The following MPZL1 variants were observed in gnomAD, a reference collection of about 807,000 sequenced individuals.
MPZL1 encodes the protein myelin protein zero-like protein 1.
MPZL1 carries 16 observed loss-of-function variants against 29.3 expected under a neutral mutation model. That is an observed-to-expected ratio of 0.55 (90% CI 0.37 to 0.83). MPZL1 has a LOEUF of 0.83. MPZL1 is among the 40% of genes least tolerant of loss of function. The pLI is 0.00. For missense variants in MPZL1, 279 were observed against 332.9 expected, an observed-to-expected ratio of 0.84 and a Z score of 1.26; for synonymous variants, 143 against 132.0, an observed-to-expected ratio of 1.08 and a Z score of -0.57.
In MPZL1 at chr1:167,778,832, C is replaced by CA. The variant is rs112221919; in HGVS notation, c.708+2676dup. Among the ~76,000 whole-genome samples the CA allele has an allele frequency of 1.9e-3, 279 of 144,278 alleles. 3 individuals are homozygous for CA. The highest frequency in any genetic ancestry group is 6.3e-3 in the African/African-American group (248 of 39,140). The allele number at this position is 144,278 out of a possible 152,430, so 94.7% of individuals were successfully genotyped here. ...GGTGTTAACAACAGATTAGATACTGCAAAAAAAAAAGGTCAATCAACTTGA... is the reference window on the plus strand; with the variant it reads ...GGTGTTAACAACAGATTAGATACTGCAAAAAAAAAAAGGTCAATCAACTTGA... On this transcript the variant is annotated intron_variant, in intron 5 of 5. Transcript: ENST00000359523.
In MPZL1 at chr1:167,776,152, TC is replaced by T; in HGVS notation, c.695del (p.Ser232LeufsTer13). The T allele has an allele frequency of 6.2e-7, 1 of 1,612,238 alleles. No individual in the cohort carries two copies. Among genetic ancestry groups the T allele is most frequent in the Non-Finnish European group, 8.5e-7 (1 of 1,178,808 alleles). ...DTEGLVKSLP[S>X]GSHQGPVIYA... ...TGAGGGTCTTGTAAAGAGTCTGCCT[TC>T]TGGATCTCACCAGGTAATGGCTGAT... is the stretch of plus-strand genomic sequence containing the variant. On this transcript the variant is annotated frameshift_variant, in exon 5 of 6. Transcript: ENST00000359523. LOFTEE classifies it high-confidence loss of function.
intron 1 of MPZL1, among the ~76,000 whole-genome samples, chr1:167,750,193 T>TTTCTA (rs1366609935): frequency 2.0e-5 from 3 of 151,018 alleles, no homozygotes; most frequent in African/African-American, 7.3e-5. Flanking sequence ...TCTTTTTCCT[T>TTTCTA]TTCTTTTCTT....
At chr1:167,751,918 T>C (rs1660768269) in intron 1 of MPZL1, among the ~76,000 whole-genome samples, 1 of 152,216 alleles carries the variant, frequency 6.6e-6, no homozygotes, top group African/African-American at 2.4e-5. Flanking sequence ...AATTTTCCAG[T>C]AATTATTCCA....
intron 5 of MPZL1, among the ~76,000 whole-genome samples, chr1:167,784,423 A>G (rs1003419630): frequency 6.6e-6 from 1 of 152,202 alleles, no homozygotes; most frequent in African/African-American, 2.4e-5. Context: ...AGCTAGGTTA[A>G]TGTAGGTTTT....
chr1:167,778,366 T>A (rs575001247), intron 5 of MPZL1, among the ~76,000 whole-genome samples: 1 of 147,156 alleles, frequency 6.8e-6, no homozygotes, highest in South Asian at 2.2e-4. Flanking sequence ...AACCAAAAAA[T>A]AAAACACATA....
chr1:167,765,706 T>C lies in MPZL1; in HGVS notation c.215T>C (p.Val72Ala). The C allele has an allele frequency of 1.2e-6, 2 of 1,612,298 alleles. No homozygotes were observed. The highest frequency in any genetic ancestry group is 1.7e-6 in the Non-Finnish European group (2 of 1,179,166). ...STSTTGGLTS[V>A]SWSFQPEGAD... ...AGTACGACTGGCGGGTTGACCTCAG[T>C]CTCCTGGAGCTTCCAGCCAGAGGGG... Residue 72 changes from valine to alanine, a missense_variant, in exon 2 of 6, where the codon GTC (valine) becomes GCC (alanine). Physicochemically the swap from Val to Ala is moderately conservative, Grantham distance 64. Coordinates refer to ENST00000359523, the MANE Select transcript of MPZL1 (RefSeq NM_003953.6).
intron 3 of MPZL1, among the ~76,000 whole-genome samples, chr1:167,772,774 G>A (rs1191286136): frequency 1.3e-5 from 2 of 152,190 alleles, no homozygotes; most frequent in East Asian, 1.9e-4. Context: ...TTAGAAGAAA[G>A]ACCAAATTCA....
intron 1 of MPZL1, among the ~76,000 whole-genome samples, chr1:167,730,133 C>T (rs2101747130): frequency 6.6e-6 from 1 of 152,342 alleles, no homozygotes; most frequent in East Asian, 1.9e-4. Context: ...ATCCCTCATG[C>T]CTTGATGCTG....
Position 167,787,944 on chromosome 1 carries a change from C to A in MPZL1, c.*23C>A. 1 of 1,581,492 alleles carries A rather than the reference C, an allele frequency of 6.3e-7. No individual in the cohort carries two copies. The highest frequency in any genetic ancestry group is 8.7e-7 in the Non-Finnish European group (1 of 1,150,506). On this transcript the variant is annotated 3_prime_UTR_variant, in exon 6 of 6. Coordinates refer to ENST00000359523, the MANE Select transcript of MPZL1 (RefSeq NM_003953.6). The stretch of plus-strand genomic sequence containing the variant: ...TAAGAGAATACCTAGAACATATCCT[C>A]AGCAAGAAACAAAACCAAACTGGAC...
In MPZL1 at chr1:167,756,269, C is replaced by A. The variant is rs183439782; in HGVS notation, c.92-9314C>A. On this transcript the variant is annotated intron_variant, in intron 1 of 5. Coordinates refer to ENST00000359523, the MANE Select transcript of MPZL1 (RefSeq NM_003953.6). The stretch of plus-strand genomic sequence containing the variant: ...GCCCAGGCAGTCCTCCTATCTCAGC[C>A]CCCTGAGTAGCTGAGATCACAGGTT... 7.2e-3 allele frequency among the ~76,000 whole-genome samples: 1,090 copies of A among 152,116 alleles called. 4 individuals are homozygous for A. Among genetic ancestry groups the A allele is most frequent in the Non-Finnish European group, 0.011 (770 of 67,994 alleles).
chr1:167,780,908 G>C (rs1243103668), intron 5 of MPZL1, among the ~76,000 whole-genome samples: 1 of 152,116 alleles, frequency 6.6e-6, no homozygotes, highest in South Asian at 2.1e-4. Context: ...TTTTTAAACA[G>C]TAAAAGGATG....
chr1:167,775,504 T>C (rs1259186544), intron 4 of MPZL1, among the ~76,000 whole-genome samples: 1 of 152,206 alleles, frequency 6.6e-6, no homozygotes, highest in African/African-American at 2.4e-5. Flanking sequence ...TAATTTCTCA[T>C]TCATGACTTC....
intron 1 of MPZL1, among the ~76,000 whole-genome samples, chr1:167,744,683 CAAAAAAAAAA>C (rs3075159): frequency 1.6e-5 from 2 of 126,946 alleles, no homozygotes; most frequent in African/African-American, 5.8e-5. Flanking sequence ...AACTCAGTCT[CAAAAAAAAAA>C]AAAAAAAGAA....
chr1:167,741,330 CT>C (rs57675541), intron 1 of MPZL1, among the ~76,000 whole-genome samples: 33,935 of 131,980 alleles, frequency 0.26, 4,493 homozygotes, highest in Middle Eastern at 0.35. Flanking sequence ...CCTGCAGTCA[CT>C]TTTTTTTTTT....
chr1:167,784,133 C>T (rs57049906), intron 5 of MPZL1, among the ~76,000 whole-genome samples: 6,931 of 152,200 alleles, frequency 0.046, 529 homozygotes, highest in African/African-American at 0.16. Flanking sequence ...CAACCTTCAC[C>T]AGTTATGGTT....
Position 167,727,581 on chromosome 1 carries a change from C to T in MPZL1, c.91+5339C>T, listed in dbSNP as rs574364740. ...AAGCATCTCCTGAGGTCTCAAGTGT[C>T]ATATGGCTCTGAGACTTGACCCCTA... On this transcript the variant is annotated intron_variant, in intron 1 of 5. Coordinates refer to ENST00000359523, the MANE Select transcript of MPZL1 (RefSeq NM_003953.6). 7.9e-5 allele frequency among the ~76,000 whole-genome samples: 12 copies of T among 152,292 alleles called. No homozygotes were observed. The South Asian group carries it at 2.3e-3, about 29-fold the overall frequency.
chr1:167,760,384 A>G (rs1660959569), intron 1 of MPZL1, among the ~76,000 whole-genome samples: 1 of 151,818 alleles, frequency 6.6e-6, no homozygotes, highest in African/African-American at 2.4e-5. Flanking sequence ...TTGTATTTTT[A>G]GTAGAGACGG....
intron 1 of MPZL1, among the ~76,000 whole-genome samples, chr1:167,759,832 A>G (rs1660944670): frequency 6.6e-6 from 1 of 152,112 alleles, no homozygotes; most frequent in African/African-American, 2.4e-5. Context: ...CAGAGGAAAA[A>G]CATGGTAACC....
chr1:167,788,721 G>T lies in MPZL1; in HGVS notation c.*800G>T, dbSNP rs1317374360. 1 of 152,142 alleles carries T rather than the reference G, an allele frequency of 6.6e-6. No homozygotes were observed. Among genetic ancestry groups the T allele is most frequent in the African/African-American group, 2.4e-5 (1 of 41,438 alleles). The allele number at this position is 152,142 out of a possible 1,614,324, so 9.4% of individuals were successfully genotyped here. A position where few individuals can be genotyped will look rare whatever the true frequency, so the allele number is the denominator to read the frequency against. On this transcript the variant is annotated 3_prime_UTR_variant, in exon 6 of 6. Transcript: ENST00000359523. ...GTAACGTGGAGAGTAAAAAGTATCGGTTTTATTCTTTGCTGATGTCCTTTC... is the reference window on the plus strand; with the variant it reads ...GTAACGTGGAGAGTAAAAAGTATCGTTTTTATTCTTTGCTGATGTCCTTTC...
Sources: allele counts gnomAD v4.1 joint callset (sites outside exome capture counted in the v4.1 genomes callset), GRCh38; gene constraint gnomAD v4.1.1; transcripts MANE v1.5; gene names NCBI Gene and HGNC (gene_info 2026-07-23, HGNC 2026-07-21).